Variants in NAV3 observed in about 807,000 individuals in gnomAD.
The protein encoded by NAV3 is pore membrane and/or filament interacting like protein 1.
In NAV3, 87 loss-of-function variants were observed where a neutral mutation model predicts 244.7. The observed-to-expected ratio is 0.36, with a 90% confidence interval of 0.30 to 0.42. NAV3 has a LOEUF of 0.42. NAV3 is among the 20% of genes least tolerant of loss of function. The probability of loss-of-function intolerance (pLI) is 1.00; values close to 1 mark genes in which losing one functional copy is unlikely to be tolerated. For missense variants in NAV3, 2,663 were observed against 2,893.3 expected (o/e 0.92, Z 1.83); for synonymous variants, 1,126 against 1,042.2 (o/e 1.08, Z -1.55).
At chr12:77,760,342 T>C (rs906201890) in intron 2 of NAV3, among the ~76,000 whole-genome samples, 1 of 152,196 alleles carries the variant, frequency 6.6e-6, no homozygotes, top group Non-Finnish European at 1.5e-5. Flanking sequence ...GAAGATTGAG[T>C]TCTGGAGAAC....
At chr12:77,877,057 A>G (rs574445457) in intron 1 of NAV3, among the ~76,000 whole-genome samples, 34 of 152,278 alleles carry the variant, frequency 2.2e-4, no homozygotes, top group African/African-American at 7.7e-4. Flanking sequence ...AGCTATGCAG[A>G]AAATTCACTA....
chr12:77,585,090 G>A (rs1869539379), intron 2 of NAV3, among the ~76,000 whole-genome samples: 1 of 152,156 alleles, frequency 6.6e-6, no homozygotes, highest in Admixed American at 6.5e-5. Flanking sequence ...GCTGGCAGAT[G>A]GTGCTGGCAG....
intron 5 of NAV3, among the ~76,000 whole-genome samples, chr12:77,979,322 G>A (rs755192136): frequency 1.3e-5 from 2 of 151,454 alleles, no homozygotes; most frequent in Non-Finnish European, 2.9e-5. Context: ...AAACTAAGAC[G>A]TCAAGGCTGC....
At chr12:77,837,426 G>T (rs7968053) in intron 1 of NAV3, among the ~76,000 whole-genome samples, 149,051 of 152,100 alleles carry the variant, frequency 0.98, 73,115 homozygotes, top group East Asian at 1. Flanking sequence ...TTAACCAATG[G>T]TTAGAGAATG....
rs747094444 is a variant in NAV3 at position 78,199,475 on chromosome 12, C to T, written c.6659C>T (p.Thr2220Met). Residue 2220 changes from threonine (T) to methionine (M), a missense_variant, in exon 37 of 40, where the codon ACG becomes ATG. By Grantham distance (81) the Thr-to-Met change is moderately conservative (BLOSUM62 -1). Coordinates refer to ENST00000397909, the MANE Select transcript of NAV3 (RefSeq NM_001024383.2). ...AAAATTATAGATTGGATTCCGAAGA[C>T]GTGGCATCATCTCAACAGTTTTTTG... ...LVKIIDWIPK[T>M]WHHLNSFLET... 35 of 1,608,974 alleles carry T rather than the reference C, an allele frequency of 2.2e-5. No individual in the cohort carries two copies. The highest frequency in any genetic ancestry group is 1.1e-4 in the East Asian group (5 of 44,730).
In NAV3 at chr12:78,119,283, A is replaced by G. The variant is rs1955561178; in HGVS notation, c.3087A>G (p.Leu1029=). ...CTTCTGAGAAAGGAAAAGCTCCCCT[A>G]AAAGGATCATCTCTACAAAGATCTC... ...AKASEKGKAP[L]KGSSLQRSPS... The change falls in exon 15 of 40, where the codon CTA becomes CTG. Residue 1029 remains leucine, a synonymous_variant. Coordinates refer to ENST00000397909, the MANE Select transcript of NAV3 (RefSeq NM_001024383.2). 2.5e-6 allele frequency: 4 copies of G among 1,614,022 alleles called. No homozygotes were observed. The highest frequency in any genetic ancestry group is 3.4e-6 in the Non-Finnish European group (4 of 1,180,036).
intron 8 of NAV3, 131 bp from the exon 9 acceptor site, chr12:78,021,616 A>G (rs1312723734): frequency 2.4e-5 from 14 of 593,838 alleles, no homozygotes; most frequent in Non-Finnish European, 4.2e-5. Flanking sequence ...CAGCTCTGGA[A>G]CATTCCAGTC....
At chr12:77,656,983 C>G (rs1397461080) in intron 2 of NAV3, among the ~76,000 whole-genome samples, 1 of 152,126 alleles carries the variant, frequency 6.6e-6, no homozygotes, top group Non-Finnish European at 1.5e-5. Flanking sequence ...ATTTATAGCA[C>G]TAAATGCCCA....
chr12:77,815,300 T>C (rs1211807989), intron 2 of NAV3, among the ~76,000 whole-genome samples: 1 of 152,192 alleles, frequency 6.6e-6, no homozygotes, highest in Non-Finnish European at 1.5e-5. Context: ...TCTGTCTTGA[T>C]CAGGAGGCTA....
chr12:77,964,716 T>C (rs1892360185), intron 3 of NAV3, among the ~76,000 whole-genome samples: 1 of 152,188 alleles, frequency 6.6e-6, no homozygotes, highest in African/African-American at 2.4e-5. Context: ...ATTTATTATG[T>C]TATGTTGTAT....
At chr12:77,629,153 G>C (rs1381448689) in intron 2 of NAV3, among the ~76,000 whole-genome samples, 1 of 152,130 alleles carries the variant, frequency 6.6e-6, no homozygotes, top group East Asian at 1.9e-4. Context: ...AAGCAATAAA[G>C]TTGTAAAAAA....
At position 78,181,024 on chromosome 12, in the gene NAV3, A is replaced by G. The variant is rs1443312837; in HGVS notation, c.5671A>G (p.Ile1891Val). 1 of 1,612,990 alleles carries G rather than the reference A, an allele frequency of 6.2e-7. No homozygotes were observed. The highest frequency in any genetic ancestry group is 8.5e-7 in the Non-Finnish European group (1 of 1,179,258). ...AGGACTTTCTCTAAACAATTTGAACATCACAGAGGCTGTTAGCTCAGGTGA... is the reference window on the plus strand; with the variant it reads ...AGGACTTTCTCTAAACAATTTGAACGTCACAGAGGCTGTTAGCTCAGGTGA... Reference protein sequence around the residue: ...SLGLSLNNLNITEAVSSDILL... With the variant: ...SLGLSLNNLNVTEAVSSDILL... Residue 1891 changes from isoleucine (I) to valine (V), a missense_variant, in exon 30 of 40, where the codon ATC (isoleucine) becomes GTC (valine). Transcript: ENST00000397909.
intron 2 of NAV3, among the ~76,000 whole-genome samples, chr12:77,748,340 T>G (rs1479818010): frequency 6.6e-6 from 1 of 152,242 alleles, no homozygotes; most frequent in Non-Finnish European, 1.5e-5. Flanking sequence ...ATTTACTTGC[T>G]GTCAAATCCA....
chr12:77,977,704 ACACACGCG>A (rs1314299488), intron 5 of NAV3, among the ~76,000 whole-genome samples: 3 of 91,058 alleles, frequency 3.3e-5, no homozygotes, highest in Non-Finnish European at 7.9e-5. Flanking sequence ...ACACACACAC[ACACACGCG>A]CACACACACA....
chr12:77,598,057 A>G (rs1395241155), intron 2 of NAV3, among the ~76,000 whole-genome samples: 1 of 152,114 alleles, frequency 6.6e-6, no homozygotes, highest in Non-Finnish European at 1.5e-5. Flanking sequence ...AATGTATGCC[A>G]CTATCCTAGG....
rs754824347 is a variant in NAV3, at chr12:78,116,784, C to T, written c.2649C>T (p.Ser883=). Residue 883 remains serine, a synonymous_variant, in exon 13 of 40, where the codon AGC becomes AGT. Transcript: ENST00000397909. The part of the protein sequence containing the change: ...VTVDADSWDD[S]SSVSSGLSDT... ...GTCTTGCCTTTAGCTGGGATGACAG[C>T]AGTTCAGTGAGCAGTGGTCTCAGTG... 1 of 1,596,428 alleles carries T rather than the reference C, an allele frequency of 6.3e-7. No individual in the cohort carries two copies. The highest frequency in any genetic ancestry group is 8.6e-7 in the Non-Finnish European group (1 of 1,168,766).
At chr12:77,646,407 TTG>T (rs1417320478) in intron 2 of NAV3, among the ~76,000 whole-genome samples, 1 of 152,120 alleles carries the variant, frequency 6.6e-6, no homozygotes, top group East Asian at 1.9e-4. Context: ...GTTGAGCCCT[TTG>T]TGTGACTGTG....
chr12:77,861,137 A>G (rs1565865755), intron 1 of NAV3, among the ~76,000 whole-genome samples: 2 of 151,862 alleles, frequency 1.3e-5, no homozygotes, highest in Admixed American at 1.3e-4. Flanking sequence ...GAAAATTAGC[A>G]CGTGGTTGCA....
chr12:77,619,988 T>C (rs559433876), intron 2 of NAV3, among the ~76,000 whole-genome samples: 225 of 152,342 alleles, frequency 1.5e-3, no homozygotes, highest in Non-Finnish European at 2.8e-3. Context: ...TCATTATGAA[T>C]TTACTTCTAT....
Sources: allele counts gnomAD v4.1 joint callset (sites outside exome capture counted in the v4.1 genomes callset), GRCh38; gene constraint gnomAD v4.1.1; transcripts MANE v1.5; gene names NCBI Gene and HGNC (gene_info 2026-07-23, HGNC 2026-07-21).